CAMK4: variants seen among roughly 807,000 people sequenced by gnomAD.
CAMK4 encodes the protein calcium/calmodulin dependent protein kinase IV.
A neutral mutation model predicts 44.9 loss-of-function variants in CAMK4; 22 were observed. The ratio of observed to expected loss-of-function variants is 0.49; its 90% CI spans 0.35 to 0.70. The LOEUF (loss-of-function observed/expected upper bound fraction) is 0.70. Among genes scored for constraint, CAMK4 ranks in the 30% least tolerant of loss-of-function variants. The pLI, the probability that CAMK4 is intolerant of heterozygous loss-of-function variation, is 0.01. For missense variants in CAMK4, 498 were observed against 586.8 expected, an observed-to-expected ratio of 0.85 and a Z score of 1.56; for synonymous variants, 218 against 215.4, an observed-to-expected ratio of 1.01 and a Z score of -0.11.
intron 5 of CAMK4, among the ~76,000 whole-genome samples, chr5:111,403,533 A>G (rs536946981): frequency 3.9e-5 from 6 of 152,302 alleles, no homozygotes; most frequent in Middle Eastern, 3.4e-3. Context: ...TGTAAAAAGT[A>G]AAAGTGGTTT....
At chr5:111,308,561 A>G (rs954150896) in intron 1 of CAMK4, among the ~76,000 whole-genome samples, 3 of 152,216 alleles carry the variant, frequency 2.0e-5, no homozygotes, top group African/African-American at 4.8e-5. Flanking sequence ...TTTGGGAGCA[A>G]TCCTTTTTGG....
intron 4 of CAMK4, among the ~76,000 whole-genome samples, chr5:111,393,282 C>A (rs73789807): frequency 6.6e-6 from 1 of 152,002 alleles, no homozygotes; most frequent in Non-Finnish European, 1.5e-5. Flanking sequence ...CCCTATAAAA[C>A]GTATTTGCTA....
chr5:111,390,584 C>G (rs1375075059), intron 4 of CAMK4, among the ~76,000 whole-genome samples: 1 of 152,170 alleles, frequency 6.6e-6, no homozygotes, highest in African/African-American at 2.4e-5. Context: ...ATTGTTGAAA[C>G]TGTCCTTTAT....
At chr5:111,315,438 T>C (rs1037641837) in intron 1 of CAMK4, among the ~76,000 whole-genome samples, 1 of 152,166 alleles carries the variant, frequency 6.6e-6, no homozygotes, top group Non-Finnish European at 1.5e-5. Flanking sequence ...CTGATTAGGT[T>C]AGTTTTCACC....
intron 1 of CAMK4, among the ~76,000 whole-genome samples, chr5:111,273,712 T>TAC (rs1750629972): frequency 1.8e-5 from 1 of 54,838 alleles, no homozygotes; most frequent in Non-Finnish European, 3.0e-5. Context: ...TATATATATA[T>TAC]ATATATACAC....
At chr5:111,393,308 T>A (rs946062782) in intron 4 of CAMK4, among the ~76,000 whole-genome samples, 2 of 152,108 alleles carry the variant, frequency 1.3e-5, no homozygotes, top group African/African-American at 4.8e-5. Flanking sequence ...TCAACCTGAG[T>A]CTAATCAAGA....
At chr5:111,308,927 G>A (rs1748078780) in intron 1 of CAMK4, among the ~76,000 whole-genome samples, 1 of 152,104 alleles carries the variant, frequency 6.6e-6, no homozygotes, top group Non-Finnish European at 1.5e-5. Context: ...GATTACCTGT[G>A]TTGTGGTTAT....
At chr5:111,418,411 A>G (rs1487510589) in intron 5 of CAMK4, among the ~76,000 whole-genome samples, 3 of 151,212 alleles carry the variant, frequency 2.0e-5, no homozygotes, top group African/African-American at 4.9e-5. Flanking sequence ...TTCAGTCACC[A>G]TTGTCATTGA....
intron 1 of CAMK4, among the ~76,000 whole-genome samples, chr5:111,337,616 G>T (rs1347654576): frequency 6.6e-6 from 1 of 150,736 alleles, no homozygotes; most frequent in Non-Finnish European, 1.5e-5. Context: ...ATTGCAATTT[G>T]GGGTGTACTT....
intron 7 of CAMK4, 85 bp downstream of exon 7, chr5:111,449,288 A>T: frequency 1.6e-6 from 1 of 614,314 alleles, no homozygotes; most frequent in Non-Finnish European, 2.8e-6. Flanking sequence ...AAAATTCCTA[A>T]TATTTCTATT....
chr5:111,480,132 T>G (rs1387427525), intron 9 of CAMK4, among the ~76,000 whole-genome samples: 1 of 152,104 alleles, frequency 6.6e-6, no homozygotes, highest in Non-Finnish European at 1.5e-5. Flanking sequence ...CTTTTCACTC[T>G]AGTGCACCAC....
chr5:111,308,621 C>T (rs919472157), intron 1 of CAMK4, among the ~76,000 whole-genome samples: 2 of 152,112 alleles, frequency 1.3e-5, no homozygotes, highest in Admixed American at 1.3e-4. Flanking sequence ...AAATTTAGTC[C>T]AGTGGGAAAC....
rs916379581 is a variant in CAMK4, at chr5:111,488,358, A to T, written c.*3892A>T. 1.1e-4 allele frequency: 16 copies of T among 152,220 alleles called. No individual in the cohort carries two copies. Among genetic ancestry groups the T allele is most frequent in the African/African-American group, 3.9e-4 (16 of 41,454 alleles). 9.4% of individuals were successfully genotyped at this position (152,220 alleles called of 1,614,324 possible). ...AACACTGCCATTACACATGGATTTA[A>T]CAAAAGACTTTTGAAAATTTTTTAC... On this transcript the variant is annotated 3_prime_UTR_variant, in exon 11 of 11. Coordinates refer to ENST00000282356, the MANE Select transcript of CAMK4 (RefSeq NM_001744.6).
chr5:111,473,200 TA>T, intron 7 of CAMK4, 110 bp from the exon 8 acceptor site: 1 of 790,666 alleles, frequency 1.3e-6, no homozygotes, highest in Non-Finnish European at 2.2e-6. Context: ...AGATTGGTTA[TA>T]AAACTGTTCA....
At chr5:111,448,293 C>G (rs530856545) in intron 6 of CAMK4, among the ~76,000 whole-genome samples, 1 of 152,266 alleles carries the variant, frequency 6.6e-6, no homozygotes, top group South Asian at 2.1e-4. Context: ...AAGTGAAATA[C>G]ATTGGAGACT....
intron 5 of CAMK4, among the ~76,000 whole-genome samples, chr5:111,397,403 ATGT>A (rs1392815449): frequency 2.6e-5 from 4 of 152,208 alleles, no homozygotes; most frequent in African/African-American, 9.7e-5. Context: ...GATTTATTAG[ATGT>A]TGTAGATGTA....
At chr5:111,422,483 G>A (rs531275451) in intron 5 of CAMK4, among the ~76,000 whole-genome samples, 1 of 152,290 alleles carries the variant, frequency 6.6e-6, no homozygotes, top group Non-Finnish European at 1.5e-5. Flanking sequence ...ACAACAGGTA[G>A]GTATCTATAG....
intron 1 of CAMK4, among the ~76,000 whole-genome samples, chr5:111,269,701 C>T (rs138298341): frequency 1.3e-5 from 2 of 152,268 alleles, no homozygotes; most frequent in African/African-American, 2.4e-5. Flanking sequence ...ATATAGAAAC[C>T]TGTGGACTCC....
chr5:111,315,985 T>C (rs1018282653), intron 1 of CAMK4, among the ~76,000 whole-genome samples: 5 of 152,126 alleles, frequency 3.3e-5, no homozygotes, highest in Non-Finnish European at 7.4e-5. Flanking sequence ...TTTGATGCTA[T>C]TTTTAATTAA....
Sources: allele counts gnomAD v4.1 joint callset (sites outside exome capture counted in the v4.1 genomes callset), GRCh38; gene constraint gnomAD v4.1.1; transcripts MANE v1.5; gene names NCBI Gene and HGNC (gene_info 2026-07-23, HGNC 2026-07-21).